The following DGKZ variants were observed in gnomAD, a reference collection of about 807,000 sequenced individuals.
DGKZ encodes diacylglycerol kinase zeta.
A neutral mutation model predicts 142.5 loss-of-function variants in DGKZ; 45 were observed. That is an observed-to-expected ratio of 0.32 (90% CI 0.25 to 0.40). The LOEUF (loss-of-function observed/expected upper bound fraction) is 0.40, where lower values mean the gene tolerates loss of function less well. DGKZ is among the 10% of genes least tolerant of loss of function. The probability of loss-of-function intolerance (pLI) is 1.00; values close to 1 mark genes in which losing one functional copy is unlikely to be tolerated. For synonymous variants in DGKZ, 442 were observed against 527.0 expected (o/e 0.84, Z 2.21); for missense variants, 755 against 1,306.5 (o/e 0.58, Z 6.51).
At chr11:46,378,839 A>G (rs1379167676) in intron 27 of DGKZ, 152 bp from the exon 28 acceptor site, 5 of 1,275,606 alleles carry the variant, frequency 3.9e-6, no homozygotes, top group Non-Finnish European at 5.3e-6. Flanking sequence ...GGTGTGCTCC[A>G]GAGAGACCCA....
At chr11:46,365,800 G>T (rs1943179759) in intron 1 of DGKZ, 11 of 985,386 alleles carry the variant, frequency 1.1e-5, no homozygotes, top group Non-Finnish European at 1.3e-5. Context: ...CCTGCCCTGG[G>T]CCCCACCGTC....
At chr11:46,357,934 G>C (rs1045278152) in intron 1 of DGKZ, among the ~76,000 whole-genome samples, 2 of 152,326 alleles carry the variant, frequency 1.3e-5, no homozygotes, top group East Asian at 3.9e-4. Context: ...GGCTGGCTTG[G>C]TTAGAACTAA....
At chr11:46,369,137 C>T (rs1943658683) in intron 4 of DGKZ, 1 of 343,554 alleles carries the variant, frequency 2.9e-6, no homozygotes, top group Admixed American at 4.2e-5. Flanking sequence ...GATCGCACCA[C>T]TGCACTCCAG....
chr11:46,343,891 C>T (rs1296602490), upstream of DGKZ, among the ~76,000 whole-genome samples: 1 of 152,160 alleles, frequency 6.6e-6, no homozygotes, highest in Non-Finnish European at 1.5e-5. Flanking sequence ...ATCCCCTCCC[C>T]CTGCCTAAGT....
At position 46,367,880 on chromosome 11, in the gene DGKZ, G is replaced by A. The variant is rs201907877; in HGVS notation, c.367-122G>A. ...CCCCAGGATGGTGAGGGGTGCAGGG[G>A]CTTTGTCCGGATGCCAGGACTGGGG... On this transcript the variant is annotated intron_variant, in intron 3 of 30. Coordinates refer to ENST00000527911, the Ensembl canonical transcript of DGKZ. The surrounding 1 kb of genome is among the most constrained non-coding windows in gnomAD (Gnocchi z 4.1). The A allele has an allele frequency of 4.1e-3, 6,213 of 1,513,770 alleles. 16 individuals are homozygous for A. Among genetic ancestry groups the A allele is most frequent in the Non-Finnish European group, 5.2e-3 (5,671 of 1,092,624 alleles). 93.8% of individuals were successfully genotyped at this position (1,513,770 alleles called of 1,614,324 possible).
rs768189346 is a variant in DGKZ at position 46,377,247 on chromosome 11, C to G, written c.2342+35C>G. ...GGTGTCCCGTCCCTCCAGCCCCTGG[C>G]TTTCAGCCCCACCTGTAAGCCGATG... On this transcript the variant is annotated intron_variant, in intron 25 of 30. Coordinates refer to ENST00000527911, the Ensembl canonical transcript of DGKZ. 5.2e-6 allele frequency: 8 copies of G among 1,543,376 alleles called. No individual in the cohort carries two copies. In the African/African-American group the frequency reaches 1.1e-4, roughly 21 times the overall value.
At chr11:46,362,578 C>A (rs1192031149) in intron 1 of DGKZ, among the ~76,000 whole-genome samples, 2 of 152,212 alleles carry the variant, frequency 1.3e-5, no homozygotes, top group African/African-American at 4.8e-5. Flanking sequence ...GCATCCAGAC[C>A]TCCTTTAGGC....
intron 17 of DGKZ, 34 bp downstream of exon 17, chr11:46,374,700 C>A: frequency 3.7e-6 from 6 of 1,607,918 alleles, no homozygotes; most frequent in Non-Finnish European, 5.1e-6. Flanking sequence ...GGTGGGTGGG[C>A]CGGAAGGGAG....
intron 1 of DGKZ, among the ~76,000 whole-genome samples, chr11:46,339,685 C>A (rs1445237780): frequency 6.6e-6 from 1 of 152,372 alleles, no homozygotes; most frequent in Admixed American, 6.5e-5. Context: ...TGGAGGGAAC[C>A]TGGGAAGGCC....
intron 27 of DGKZ, 63 bp downstream of exon 27, chr11:46,378,563 C>T: frequency 6.2e-7 from 1 of 1,608,192 alleles, no homozygotes; most frequent in South Asian, 1.1e-5. Context: ...GGAGCGAGGC[C>T]TCTGGGTTGG....
intron 1 of DGKZ, among the ~76,000 whole-genome samples, chr11:46,362,622 T>C (rs1942798007): frequency 6.6e-6 from 1 of 152,192 alleles, no homozygotes; most frequent in Non-Finnish European, 1.5e-5. Context: ...GAGCTCCATT[T>C]TGCAGATGAG....
At chr11:46,377,002 C>T in intron 24 of DGKZ, 71 bp from the exon 25 acceptor site, 1 of 1,403,972 alleles carries the variant, frequency 7.1e-7, no homozygotes, top group Middle Eastern at 2.5e-4. Context: ...TTCTCCAGGT[C>T]TACCAGCCTT....
intron 4 of DGKZ, 29 bp downstream of exon 4, chr11:46,368,108 C>T (rs765786769): frequency 2.5e-6 from 4 of 1,612,046 alleles, no homozygotes; most frequent in Non-Finnish European, 3.4e-6. Flanking sequence ...TTTGCCCGCC[C>T]CTGCCCTTTG....
intron 25 of DGKZ, 112 bp downstream of exon 25, chr11:46,377,324 A>G (rs1944663813): frequency 2.1e-6 from 3 of 1,438,500 alleles, no homozygotes; most frequent in South Asian, 3.0e-5. Context: ...AATGGTGTCA[A>G]CCTGAACCTG....
rs143721826 is a variant in DGKZ, at chr11:46,371,440, C to T, written c.643-47C>T. 1.3e-4 allele frequency: 213 copies of T among 1,607,944 alleles called. 3 individuals are homozygous for T. Among genetic ancestry groups the T allele is most frequent in the African/African-American group, 1.2e-3 (91 of 74,970 alleles). ...CCCTGCACTGCTGGGTTTGGGTCCCCGAGTCTGAACACGGTCCCGCTGAGC... is the reference window on the plus strand; with the variant it reads ...CCCTGCACTGCTGGGTTTGGGTCCCTGAGTCTGAACACGGTCCCGCTGAGC... On this transcript the variant is annotated intron_variant, in intron 7 of 30. Coordinates refer to ENST00000527911, the Ensembl canonical transcript of DGKZ.
chr11:46,374,400 G>A (rs1481839800), exon 16 of DGKZ: 1 of 1,614,082 alleles, frequency 6.2e-7, no homozygotes, highest in Admixed American at 1.7e-5. Context: ...TCCACCCAGA[G>A]GCCAACCCAG....
intron 1 of DGKZ, among the ~76,000 whole-genome samples, chr11:46,337,576 A>G (rs1940076294): frequency 6.6e-6 from 1 of 152,036 alleles, no homozygotes; most frequent in African/African-American, 2.4e-5. Flanking sequence ...GATTACAGGC[A>G]TAAGCCACCG....
Position 46,372,007 on chromosome 11 carries a change from C to A in DGKZ, c.832-68C>A. On this transcript the variant is annotated intron_variant, in intron 9 of 30. Transcript: ENST00000527911. The surrounding 1 kb of genome is among the most constrained non-coding windows in gnomAD (Gnocchi z 5.9). ...AGAGGGAACAAAGTCACCCAGGGGG[C>A]CTGCTAAGGATGATGGTAGGGTGTC... The A allele has an allele frequency of 6.9e-7, 1 of 1,447,316 alleles. No homozygotes were observed. The highest frequency in any genetic ancestry group is 1.9e-5 in the Admixed American group (1 of 51,760). 89.7% of individuals were successfully genotyped at this position (1,447,316 alleles called of 1,614,324 possible).
At position 46,347,862 on chromosome 11, in the gene DGKZ, G is replaced by A; in HGVS notation, c.161+42G>A. 2 of 1,272,466 alleles carry A rather than the reference G, an allele frequency of 1.6e-6. No individual in the cohort carries two copies. Among genetic ancestry groups the A allele is most frequent in the African/African-American group, 1.5e-5 (1 of 64,572 alleles). The allele number at this position is 1,272,466 out of a possible 1,614,324, so 78.8% of individuals were successfully genotyped here. On this transcript the variant is annotated intron_variant, in intron 1 of 30. Coordinates refer to ENST00000527911, the Ensembl canonical transcript of DGKZ. This position sits in a 1 kb window ranked among gnomAD's most constrained non-coding sequence, Gnocchi z 6.4. ...CGGGGCAGGCACCGAGGCACCGGCA[G>A]GTTACCGCTCCCTCACCGGGGGACA...
Sources: allele counts gnomAD v4.1 joint callset (sites outside exome capture counted in the v4.1 genomes callset), GRCh38; gene constraint gnomAD v4.1.1; non-coding constraint Gnocchi (gnomAD v3.1); transcripts MANE v1.5; gene names NCBI Gene and HGNC (gene_info 2026-07-23, HGNC 2026-07-21).